FAM161B: variants seen among roughly 807,000 people sequenced by gnomAD.
The protein encoded by FAM161B is protein FAM161B.
In FAM161B, 46 loss-of-function variants were observed where a neutral mutation model predicts 61.5. The observed-to-expected ratio is 0.75, with a 90% CI of 0.59 to 0.96. FAM161B has a LOEUF of 0.96. FAM161B is among the 40% of genes least tolerant of loss of function. The pLI, the probability that FAM161B is intolerant of heterozygous loss-of-function variation, is 0.00. For synonymous variants in FAM161B, 284 were observed against 302.7 expected (o/e 0.94, Z 0.64); for missense variants, 774 against 800.7 (o/e 0.97, Z 0.40).
rs1295810873 is a variant in FAM161B at position 73,942,639 on chromosome 14, G to A, written c.1002C>T (p.Ala334=). ...DMLQMASSPI[A]SSSNRANPQP... ...GTGGGTTAGCCCGGTTACTAGAGGAGGCGATAGGGGAAGAGGCCATCTGGA... is the reference window on the plus strand; with the variant it reads ...GTGGGTTAGCCCGGTTACTAGAGGAAGCGATAGGGGAAGAGGCCATCTGGA... The change falls in exon 4 of 9, where the codon GCC becomes GCT. Residue 334 remains alanine (A), a synonymous_variant. Transcript: ENST00000286544. 6.2e-7 allele frequency: 1 copy of A among 1,614,092 alleles called. No individual in the cohort carries two copies. The highest frequency in any genetic ancestry group is 1.3e-5 in the African/African-American group (1 of 74,938).
chr14:73,923,358 T>C, the FAM161B span: 12 of 1,604,532 alleles, frequency 7.5e-6, no homozygotes, highest in Non-Finnish European at 8.5e-6. Context: ...ATCTCTGGAT[T>C]CACTTTTCAT....
At position 73,941,014 on chromosome 14, in the gene FAM161B, G is replaced by T; in HGVS notation, c.1312C>A (p.Arg438Ser). 6.2e-7 allele frequency: 1 copy of T among 1,613,088 alleles called. No individual in the cohort carries two copies. Among genetic ancestry groups the T allele is most frequent in the South Asian group, 1.1e-5 (1 of 91,042 alleles). ...AGGGAAGCAAGGCCGCTCAGAGAAC[G>T]ACTCCTTGGCAGGGGTGTAGCTGGT... ...QPPATPLPRS[R>S]SLSGLASLSA... Residue 438 changes from arginine (R) to serine (S), a missense_variant, in exon 5 of 9, where the codon CGT becomes AGT. Coordinates refer to ENST00000286544, the MANE Select transcript of FAM161B (RefSeq NM_152445.3).
downstream of FAM161B, among the ~76,000 whole-genome samples, chr14:73,929,679 A>G (rs1026103462): frequency 6.6e-6 from 1 of 152,034 alleles, no homozygotes; most frequent in Non-Finnish European, 1.5e-5. Context: ...TCTACAAAAA[A>G]TAAAATAAAA....
chr14:73,935,635 T>G (rs2055965896), intron 8 of FAM161B, among the ~76,000 whole-genome samples: 1 of 152,036 alleles, frequency 6.6e-6, no homozygotes. Flanking sequence ...TTATAAGAAG[T>G]CAAAATATAC....
chr14:73,928,690 T>C (rs1300094910), downstream of FAM161B, among the ~76,000 whole-genome samples: 2 of 152,084 alleles, frequency 1.3e-5, no homozygotes, highest in Non-Finnish European at 2.9e-5. Flanking sequence ...ATGTCTATAA[T>C]CCCAGCACTT....
chr14:73,923,375 A>C, the FAM161B span: 1 of 1,607,926 alleles, frequency 6.2e-7, no homozygotes, highest in East Asian at 2.2e-5. Context: ...TCATTGAAAC[A>C]TTTTTCTGTT....
intron 8 of FAM161B, among the ~76,000 whole-genome samples, chr14:73,935,163 A>G (rs956443171): frequency 1.3e-5 from 2 of 152,126 alleles, no homozygotes; most frequent in Non-Finnish European, 2.9e-5. Flanking sequence ...GGCTGCTAGG[A>G]TTTAAGATAC....
chr14:73,938,438 G>A (rs1451754364), intron 5 of FAM161B, among the ~76,000 whole-genome samples: 6 of 151,600 alleles, frequency 4.0e-5, no homozygotes, highest in South Asian at 2.1e-4. Flanking sequence ...CAGCCTGGGC[G>A]ACAGATCAAA....
chr14:73,923,255 C>A, the FAM161B span: 1 of 945,514 alleles, frequency 1.1e-6, no homozygotes, highest in Non-Finnish European at 1.5e-6. Context: ...GCTTATCAGA[C>A]AGGATTAACT....
chr14:73,945,162 A>T (rs1456375012), intron 2 of FAM161B, among the ~76,000 whole-genome samples: 1 of 152,252 alleles, frequency 6.6e-6, no homozygotes, highest in Non-Finnish European at 1.5e-5. Flanking sequence ...CTTTAGAGTC[A>T]GACAGACCTG....
chr14:73,949,227 C>T (rs1033127354), intron 1 of FAM161B, among the ~76,000 whole-genome samples: 1 of 152,240 alleles, frequency 6.6e-6, no homozygotes, highest in South Asian at 2.1e-4. Context: ...CTCAGCCTCC[C>T]GAGTAGCTGG....
chr14:73,925,557 AG>A, the FAM161B span, among the ~76,000 whole-genome samples: 1 of 151,958 alleles, frequency 6.6e-6, no homozygotes, highest in Admixed American at 6.6e-5. Context: ...TCTCCTGAAT[AG>A]CTGGGATTGC....
At chr14:73,926,351 T>C in the FAM161B span, among the ~76,000 whole-genome samples, 3 of 147,616 alleles carry the variant, frequency 2.0e-5, no homozygotes, top group Non-Finnish European at 4.5e-5. Flanking sequence ...ATTTGTTTAA[T>C]ACTTCTCTTA....
intron 1 of FAM161B, among the ~76,000 whole-genome samples, chr14:73,949,533 TTTA>T (rs1206170705): frequency 1.3e-5 from 2 of 151,042 alleles, no homozygotes; most frequent in Non-Finnish European, 3.0e-5. Context: ...TTTTTTTTTT[TTTA>T]AATTTTTAGA....
chr14:73,946,266 G>A lies in FAM161B; in HGVS notation c.374+20C>T, dbSNP rs374721621. 23 of 1,601,420 alleles carry A rather than the reference G, an allele frequency of 1.4e-5. No individual in the cohort carries two copies. Among genetic ancestry groups the A allele is most frequent in the Middle Eastern group, 1.8e-4 (1 of 5,450 alleles). ...TGTGGAGGTGTGGAGTGAGGCAGCC[G>A]TGGAGCTGCAGTGCCTTACCTCAGA... is the stretch of plus-strand genomic sequence containing the variant. On this transcript the variant is annotated intron_variant, in intron 2 of 8. Transcript: ENST00000286544.
chr14:73,948,426 A>G (rs951692806), intron 1 of FAM161B, among the ~76,000 whole-genome samples: 1 of 152,110 alleles, frequency 6.6e-6, no homozygotes, highest in Non-Finnish European at 1.5e-5. Flanking sequence ...TCCTGGGCTG[A>G]TTTTTATTTT....
At chr14:73,940,548 AC>A (rs933622403) in intron 5 of FAM161B, among the ~76,000 whole-genome samples, 1 of 151,234 alleles carries the variant, frequency 6.6e-6, no homozygotes, top group African/African-American at 2.4e-5. Flanking sequence ...ACAAGACAAG[AC>A]CCCCCTGCTC....
At chr14:73,924,870 G>A in the FAM161B span, 1 of 327,670 alleles carries the variant, frequency 3.1e-6, no homozygotes, top group South Asian at 2.3e-5. Context: ...GTAGAGACAG[G>A]GTTTCACCAT....
Position 73,934,380 on chromosome 14 carries a change from G to A in FAM161B, c.1820C>T (p.Thr607Ile), listed in dbSNP as rs572135753. 13 of 1,602,850 alleles carry A rather than the reference G, an allele frequency of 8.1e-6. No individual in the cohort carries two copies. The East Asian group carries it at 2.7e-4, about 33-fold the overall frequency. Residue 607 changes from threonine to isoleucine, a missense_variant, in exon 9 of 9, where the codon ACA (threonine) becomes ATA (isoleucine). By Grantham distance (89) the Thr-to-Ile change is moderately conservative. Coordinates refer to ENST00000286544, the MANE Select transcript of FAM161B (RefSeq NM_152445.3). ...IKDFPRFQET[T>I]KLSIRDPEQG... ...CTCTGGATCTCTGATGCTGAGTTTT[G>A]TAGTTTCTTGGAACCTGCAGAATAA... is the stretch of plus-strand genomic sequence containing the variant.
Sources: gnomAD v4.1 joint callset for allele counts (sites outside exome capture counted in the v4.1 genomes callset) on GRCh38, gnomAD v4.1.1 for gene constraint, MANE v1.5 for transcripts, NCBI Gene and HGNC (gene_info 2026-07-23, HGNC 2026-07-21) for gene names.